The following P2RX2 variants were observed in gnomAD, a reference collection of about 807,000 sequenced individuals.
P2RX2 encodes purinergic receptor P2X 2.
P2RX2 carries 50 observed loss-of-function variants against 54.8 expected under a neutral mutation model. That is an observed-to-expected ratio of 0.91 (90% CI 0.73 to 1.15). P2RX2 has a LOEUF of 1.15. P2RX2 is among the 50% of genes most tolerant of loss of function. P2RX2 has a pLI of 0.00. For synonymous variants in P2RX2, 289 were observed against 259.4 expected (o/e 1.11, Z -1.09); for missense variants, 658 against 633.2 (o/e 1.04, Z -0.42).
rs142844880 is a variant in P2RX2, at chr12:132,620,033, A to G, written c.491A>G (p.Gln164Arg). 1.0e-3 allele frequency: 1,662 copies of G among 1,590,602 alleles called. No homozygotes were observed. Among genetic ancestry groups the G allele is most frequent in the Admixed American group, 2.5e-3 (141 of 56,442 alleles). The change falls in exon 5 of 11, where the codon CAG (glutamine) becomes CGG (arginine). Residue 164 changes from glutamine to arginine, a missense_variant. Transcript: ENST00000643471. ...LRTGRCVPYYQGPSKTCEVFG... is the reference protein window; with the variant it reads ...LRTGRCVPYYRGPSKTCEVFG... ...ACTGGGCGCTGTGTGCCCTATTACC[A>G]GGGGCCCTCCAAGACCTGCGAGGTG...
In P2RX2 at chr12:132,620,554, G is replaced by A. The variant is rs760963996; in HGVS notation, c.745G>A (p.Gly249Arg). The change falls in exon 7 of 11, where the codon GGG becomes AGG. Residue 249 changes from glycine (G) to arginine (R), a missense_variant. Gly to Arg is a moderately radical substitution (Grantham distance 125). Coordinates refer to ENST00000643471, the MANE Select transcript of P2RX2 (RefSeq NM_170682.4). ...GCTGGGCTTTATCGTGGAGAAGGCT[G>A]GGGAGAGCTTCACAGAGCTCGCACA... ...FKLGFIVEKA[G>R]ESFTELAHKG... The A allele has an allele frequency of 3.2e-5, 52 of 1,613,530 alleles. No individual in the cohort carries two copies. The highest frequency in any genetic ancestry group is 4.2e-6 in the Non-Finnish European group (5 of 1,180,006).
In P2RX2 at chr12:132,619,750, G is replaced by A. The variant is rs1351435282; in HGVS notation, c.381G>A (p.Glu127=). The A allele has an allele frequency of 6.2e-7, 1 of 1,610,208 alleles. No individual in the cohort carries two copies. Among genetic ancestry groups the A allele is most frequent in the Non-Finnish European group, 8.5e-7 (1 of 1,178,590 alleles). The change falls in exon 3 of 11, where the codon GAG becomes GAA. Residue 127 remains glutamate, a splice_region_variant and synonymous_variant. Coordinates refer to ENST00000643471, the MANE Select transcript of P2RX2 (RefSeq NM_170682.4). ...CCCAGACCCAGGGAACCTGCCCCGA[G>A]GTGAGGGGATCCCGCGGCGCTGGGG... ...THSQTQGTCP[E]SIRVHNATCL... is the part of the protein sequence containing the mutation.
In P2RX2 at chr12:132,621,947, A is replaced by G; in HGVS notation, c.1391A>G (p.Asp464Gly). The G allele has an allele frequency of 6.2e-7, 1 of 1,613,618 alleles. No homozygotes were observed. The highest frequency in any genetic ancestry group is 8.5e-7 in the Non-Finnish European group (1 of 1,180,006). Residue 464 changes from aspartate to glycine, a missense_variant, in exon 11 of 11, where the codon GAC becomes GGC. Physicochemically the swap from Asp to Gly is moderately conservative, Grantham distance 94. Transcript: ENST00000643471. ...CCTGCCCAAGCCTCCACACCCACAG[A>G]CCCCAAAGGTTTGGCTCAACTCTGA... is the stretch of plus-strand genomic sequence containing the variant. ...SEPAQASTPT[D>G]PKGLAQL
At chr12:132,619,412 C>T (rs1305177470) in intron 1 of P2RX2, 27 bp from the exon 2 acceptor site, 2 of 1,610,492 alleles carry the variant, frequency 1.2e-6, no homozygotes, top group South Asian at 1.1e-5. Flanking sequence ...GGGTCGCCTC[C>T]GGAGCCGGCG....
In P2RX2 at chr12:132,620,570, A is replaced by G; in HGVS notation, c.761A>G (p.Glu254Gly). 1 of 1,613,004 alleles carries G rather than the reference A, an allele frequency of 6.2e-7. No homozygotes were observed. The highest frequency in any genetic ancestry group is 8.5e-7 in the Non-Finnish European group (1 of 1,179,890). ...IVEKAGESFT[E>G]LAHKGGVIGV... The stretch of plus-strand genomic sequence containing the variant: ...GAGAAGGCTGGGGAGAGCTTCACAG[A>G]GCTCGCACACAAGGCAGGGCAAGCG... The change falls in exon 7 of 11, where the codon GAG (glutamate) becomes GGG (glycine). Residue 254 changes from glutamate to glycine, a missense_variant. By Grantham distance (98) the Glu-to-Gly change is moderately conservative. Transcript: ENST00000643471.
chr12:132,618,961 C>G lies in P2RX2; in HGVS notation c.145C>G (p.Gln49Glu). 3.1e-6 allele frequency: 4 copies of G among 1,298,008 alleles called. No individual in the cohort carries two copies. The highest frequency in any genetic ancestry group is 3.9e-6 in the Non-Finnish European group (4 of 1,012,850). The allele number at this position is 1,298,008 out of a possible 1,614,324, so 80.4% of individuals were successfully genotyped here. The change falls in exon 1 of 11, where the codon CAG becomes GAG. Residue 49 changes from glutamine (Q) to glutamate (E), a missense_variant. Gln to Glu is a conservative substitution (Grantham distance 29). Coordinates refer to ENST00000643471, the MANE Select transcript of P2RX2 (RefSeq NM_170682.4). ...CCTGGGGGTCCTGTACCGCGCCGTG[C>G]AGCTGCTCATCCTGCTCTACTTCGT... The part of the protein sequence containing the change: ...RRLGVLYRAV[Q>E]LLILLYFVWY...
chr12:132,621,653 T>C lies in P2RX2; in HGVS notation c.1097T>C (p.Phe366Ser), dbSNP rs201485923. Residue 366 changes from phenylalanine (F) to serine (S), a missense_variant, in exon 11 of 11, where the codon TTC (phenylalanine) becomes TCC (serine). Phe to Ser is a radical substitution (Grantham distance 155). Transcript: ENST00000643471. ...CTGTGCGACTGGATCTTGCTAACATTCATGAACAAAAACAAGGTCTACAGC... is the reference window on the plus strand; with the variant it reads ...CTGTGCGACTGGATCTTGCTAACATCCATGAACAAAAACAAGGTCTACAGC... ...SFLCDWILLT[F>S]MNKNKVYSHK... The C allele has an allele frequency of 1.9e-5, 30 of 1,613,700 alleles. No individual in the cohort carries two copies. The East Asian group carries it at 6.5e-4, about 35-fold the overall frequency.
rs1006401732 is a variant in P2RX2 at position 132,621,306 on chromosome 12, G to A, written c.957G>A (p.Lys319=). The part of the protein sequence containing the change: ...INGTTTRTLI[K]AYGIRIDVIV... ...GCACCACCACCCGCACGCTCATCAA[G>A]GCCTACGGGATCCGCATTGACGTCA... The change falls in exon 9 of 11, where the codon AAG becomes AAA. Residue 319 remains lysine (K), a synonymous_variant. Transcript: ENST00000643471. 7.4e-6 allele frequency: 12 copies of A among 1,614,058 alleles called. No individual in the cohort carries two copies. Among genetic ancestry groups the A allele is most frequent in the Non-Finnish European group, 1.0e-5 (12 of 1,179,968 alleles).
At chr12:132,620,189 TG>T in intron 5 of P2RX2, 77 bp from the exon 6 acceptor site, 1 of 1,472,234 alleles carries the variant, frequency 6.8e-7, no homozygotes, top group Non-Finnish European at 9.4e-7. Context: ...TGACAAGATC[TG>T]GGGAGGGGTG....
Position 132,620,581 on chromosome 12 carries a change from A to G in P2RX2, c.772A>G (p.Lys258Glu), listed in dbSNP as rs1239019079. Residue 258 changes from lysine to glutamate, a missense_variant and splice_region_variant, in exon 7 of 11, where the codon AAG becomes GAG. Coordinates refer to ENST00000643471, the MANE Select transcript of P2RX2 (RefSeq NM_170682.4). The part of the protein sequence containing the change: ...AGESFTELAH[K>E]GGVIGVIINW... ...GGAGAGCTTCACAGAGCTCGCACAC[A>G]AGGCAGGGCAAGCGCAGGCAGGGTG... 6.2e-7 allele frequency: 1 copy of G among 1,612,546 alleles called. No individual in the cohort carries two copies. The highest frequency in any genetic ancestry group is 2.2e-5 in the East Asian group (1 of 44,882).
chr12:132,619,763 C>T lies in P2RX2; in HGVS notation c.381+13C>T. 6 of 1,609,968 alleles carry T rather than the reference C, an allele frequency of 3.7e-6. No homozygotes were observed. The highest frequency in any genetic ancestry group is 5.1e-6 in the Non-Finnish European group (6 of 1,178,524). ...AACCTGCCCCGAGGTGAGGGGATCC[C>T]GCGGCGCTGGGGGACCCCGCCTCAG... On this transcript the variant is annotated intron_variant, in intron 3 of 10. Coordinates refer to ENST00000643471, the MANE Select transcript of P2RX2 (RefSeq NM_170682.4).
At chr12:132,621,393 C>G in intron 9 of P2RX2, 48 bp downstream of exon 9, 1 of 1,611,256 alleles carries the variant, frequency 6.2e-7, no homozygotes, top group South Asian at 1.1e-5. Flanking sequence ...TAGCCTGGGT[C>G]TGAGCTCCTC....
At position 132,622,254 on chromosome 12, in the gene P2RX2, G is replaced by C. The variant is rs2041734334; in HGVS notation, c.*282G>C. The C allele has an allele frequency of 2.2e-6, 3 of 1,354,110 alleles. No individual in the cohort carries two copies. Among genetic ancestry groups the C allele is most frequent in the Non-Finnish European group, 2.8e-6 (3 of 1,055,314 alleles). The allele number at this position is 1,354,110 out of a possible 1,614,324, so 83.9% of individuals were successfully genotyped here. ...CTGGAACCCAAGCCAGCTGAGCTCT[G>C]AGGGGCTCTGCTCCCGGTCTTGGGC... On this transcript the variant is annotated 3_prime_UTR_variant, in exon 11 of 11. Transcript: ENST00000643471.
chr12:132,622,107 G>A lies in P2RX2; in HGVS notation c.*135G>A, dbSNP rs1443243552. 2 of 1,514,368 alleles carry A rather than the reference G, an allele frequency of 1.3e-6. No homozygotes were observed. Among genetic ancestry groups the A allele is most frequent in the African/African-American group, 2.8e-5 (2 of 72,412 alleles). The allele number at this position is 1,514,368 out of a possible 1,614,324, so 93.8% of individuals were successfully genotyped here. ...AAACGGGGCACCACAGGATCCCTGT[G>A]CAAGGGCTGGGGGCACGCTCTGGCC... On this transcript the variant is annotated 3_prime_UTR_variant, in exon 11 of 11. Coordinates refer to ENST00000643471, the MANE Select transcript of P2RX2 (RefSeq NM_170682.4).
chr12:132,619,950 T>C (rs1454867060), intron 4 of P2RX2, 31 bp downstream of exon 4: 5 of 859,168 alleles, frequency 5.8e-6, no homozygotes, highest in Non-Finnish European at 7.2e-6. Flanking sequence ...GCTGGGCGGG[T>C]GGGGCAGGGC....
Position 132,621,601 on chromosome 12 carries a change from G to T in P2RX2, c.1063-18G>T, listed in dbSNP as rs532793633. On this transcript the variant is annotated intron_variant, in intron 10 of 10. Coordinates refer to ENST00000643471, the MANE Select transcript of P2RX2 (RefSeq NM_170682.4). ...GGGGTCCACCAGGCCCTTACACACC[G>T]GTCTCTGCTGGCCCCAGGGCTCCTT... is the stretch of plus-strand genomic sequence containing the variant. 1 of 1,611,890 alleles carries T rather than the reference G, an allele frequency of 6.2e-7. No homozygotes were observed. Among genetic ancestry groups the T allele is most frequent in the Non-Finnish European group, 8.5e-7 (1 of 1,178,912 alleles).
intron 1 of P2RX2, 65 bp downstream of exon 1, chr12:132,619,054 C>A (rs1173671800): frequency 1.4e-6 from 1 of 736,904 alleles, no homozygotes; most frequent in Non-Finnish European, 1.7e-6. Flanking sequence ...GGATTGGGGG[C>A]GCTGGGCTGG....
chr12:132,620,847 T>A (rs1175356400), intron 7 of P2RX2, among the ~76,000 whole-genome samples, 154 bp from the exon 8 acceptor site: 1 of 151,806 alleles, frequency 6.6e-6, no homozygotes, highest in Non-Finnish European at 1.5e-5. Context: ...GGCCCCTCAG[T>A]GCACACCTCA....
At position 132,620,250 on chromosome 12, in the gene P2RX2, C is replaced by T. The variant is rs565391334; in HGVS notation, c.555-17C>T. On this transcript the variant is annotated splice_polypyrimidine_tract_variant and intron_variant, in intron 5 of 10. Transcript: ENST00000643471. The stretch of plus-strand genomic sequence containing the variant: ...TGCGGGAAGAGGGGACTAAACAACC[C>T]TTCTGTGCCTCCTCAGCCAATTTCT... The T allele has an allele frequency of 1.7e-5, 27 of 1,610,790 alleles. No homozygotes were observed. The South Asian group carries it at 2.5e-4, about 15-fold the overall frequency.
Sources: allele counts gnomAD v4.1 joint callset (sites outside exome capture counted in the v4.1 genomes callset), GRCh38; gene constraint gnomAD v4.1.1; transcripts MANE v1.5; gene names NCBI Gene and HGNC (gene_info 2026-07-23, HGNC 2026-07-21).